Variants in SFI1 observed in about 807,000 individuals in gnomAD.
SFI1 encodes protein SFI1 homolog.
SFI1 carries 195 observed loss-of-function variants against 207.5 expected under a neutral mutation model. The observed-to-expected ratio is 0.94, with a 90% CI of 0.84 to 1.06. SFI1 has a LOEUF of 1.06. Among genes scored for constraint, SFI1 ranks in the 50% least tolerant of loss-of-function variants. SFI1 has a pLI of 0.00. For synonymous variants in SFI1, 630 were observed against 598.9 expected (o/e 1.05, Z -0.76); for missense variants, 1,634 against 1,588.0 (o/e 1.03, Z -0.49).
chr22:31,616,528 T>A (rs2071495677), intron 29 of SFI1: 1 of 462,210 alleles, frequency 2.2e-6, no homozygotes. Context: ...GCTCCCTGGT[T>A]GCTTGCGGGA....
intron 14 of SFI1, among the ~76,000 whole-genome samples, chr22:31,588,852 T>C (rs2146377276): frequency 6.6e-6 from 1 of 150,568 alleles, no homozygotes; most frequent in Non-Finnish European, 1.5e-5. Flanking sequence ...AACAAAAACA[T>C]AAAACCTCTA....
chr22:31,547,696 T>G lies in SFI1; in HGVS notation c.449+725T>G, dbSNP rs929794039. On this transcript the variant is annotated intron_variant, in intron 5 of 32. Coordinates refer to ENST00000400288, the MANE Select transcript of SFI1 (RefSeq NM_001007467.3). ...GTGCAATGGCGCCATCTTGACTCAC[T>G]GCAACCTCCGCCGCCTGGGTTCAAG... 1.1e-4 allele frequency among the ~76,000 whole-genome samples: 16 copies of G among 151,112 alleles called. No homozygotes were observed. The East Asian group carries it at 3.2e-3, about 30-fold the overall frequency.
intron 9 of SFI1, 144 bp from the exon 10 acceptor site, chr22:31,575,085 CGT>C (rs71679890): frequency 0.3 from 84,644 of 279,416 alleles, 11,737 homozygotes; most frequent in African/African-American, 0.37. Context: ...AAACTTAGTG[CGT>C]GTGTGTGTGT....
rs1485719406 is a variant in SFI1 at position 31,612,393 on chromosome 22, AAAAAAAT to A, written c.2490+555_2490+561del. ...AGACTCTGTCTAAAAAAAAAAAAAAAAAAAAATATATATATATATATATATATATATA... is the reference window on the plus strand; with the variant it reads ...AGACTCTGTCTAAAAAAAAAAAAAAAATATATATATATATATATATATATA... On this transcript the variant is annotated intron_variant, in intron 24 of 32. Transcript: ENST00000400288. 178 of 116,108 alleles carry A rather than the reference AAAAAAAT, an allele frequency of 1.5e-3. 1 individual carries two copies. The highest frequency in any genetic ancestry group is 2.3e-3 in the Non-Finnish European group (131 of 57,568). The allele number at this position is 116,108 out of a possible 1,614,324, so 7.2% of individuals were successfully genotyped here. A position where few individuals can be genotyped will look rare whatever the true frequency, so the allele number is the denominator to read the frequency against.
intron 2 of SFI1, among the ~76,000 whole-genome samples, chr22:31,510,207 A>G (rs936327519): frequency 5.3e-5 from 8 of 151,660 alleles, no homozygotes; most frequent in African/African-American, 9.7e-5. Context: ...AAAATTATTT[A>G]TTTTAGAGAC....
intron 5 of SFI1, among the ~76,000 whole-genome samples, chr22:31,547,885 C>T (rs542192393): frequency 1.1e-3 from 169 of 149,236 alleles, no homozygotes; most frequent in Non-Finnish European, 1.9e-3. Context: ...GCTGGGATTA[C>T]AGGCATGAAC....
At position 31,611,782 on chromosome 22, in the gene SFI1, G is replaced by A. The variant is rs773090106; in HGVS notation, c.2432G>A (p.Ser811Asn). Reference sequence around the variant, plus strand: ...CTCCCCCAGCTCCTGCACAGGCAGAGCACCCAACTGCTGGCACAGAGACTC... The same window carrying A: ...CTCCCCCAGCTCCTGCACAGGCAGAACACCCAACTGCTGGCACAGAGACTC... Reference protein sequence around the residue: ...CVRKRLLHRQSTQLLAQRLSR... With the variant: ...CVRKRLLHRQNTQLLAQRLSR... Residue 811 changes from serine (S) to asparagine (N), a missense_variant, in exon 24 of 33, where the codon AGC (serine) becomes AAC (asparagine). Transcript: ENST00000400288. The A allele has an allele frequency of 5.0e-6, 8 of 1,613,542 alleles. No individual in the cohort carries two copies. The East Asian group carries it at 1.8e-4, about 36-fold the overall frequency.
chr22:31,578,382 A>T lies in SFI1; in HGVS notation c.1085A>T (p.Tyr362Phe). 6.2e-7 allele frequency: 1 copy of T among 1,612,884 alleles called. No individual in the cohort carries two copies. Among genetic ancestry groups the T allele is most frequent in the African/African-American group, 1.3e-5 (1 of 75,066 alleles). ...LRRAFTHWKH[Y>F]MLLCAEEAAQ... ...ACTGGAGGCCTTCACTTCCTGGCAG[A>T]CATGCTGCTGTGTGCAGAAGAAGCT... is the stretch of plus-strand genomic sequence containing the variant. The change falls in exon 11 of 33, where the codon TAC (tyrosine) becomes TTC (phenylalanine). Residue 362 changes from tyrosine (Y) to phenylalanine (F), a missense_variant and splice_region_variant. By Grantham distance (22) the Tyr-to-Phe change is conservative. Transcript: ENST00000400288.
At chr22:31,572,997 C>T in intron 8 of SFI1, 61 bp from the exon 9 acceptor site, 1 of 1,562,018 alleles carries the variant, frequency 6.4e-7, no homozygotes, top group East Asian at 2.2e-5. Flanking sequence ...TCCCTCTCCA[C>T]CTGTACTTCA....
At chr22:31,545,370 A>G (rs1488191085) in intron 4 of SFI1, among the ~76,000 whole-genome samples, 2 of 151,752 alleles carry the variant, frequency 1.3e-5, no homozygotes, top group Admixed American at 1.3e-4. Flanking sequence ...CGTCTCAAAA[A>G]AAAAAGAAAA....
At chr22:31,552,584 G>C (rs1228430483) in intron 6 of SFI1, among the ~76,000 whole-genome samples, 1 of 152,128 alleles carries the variant, frequency 6.6e-6, no homozygotes, top group Non-Finnish European at 1.5e-5. Flanking sequence ...GTTGATGGAT[G>C]CTGAGGTTGA....
intron 1 of SFI1, among the ~76,000 whole-genome samples, chr22:31,505,482 G>A (rs2054492189): frequency 6.6e-6 from 1 of 151,786 alleles, no homozygotes; most frequent in African/African-American, 2.4e-5. Context: ...TAGGCAAGGT[G>A]CAGTGGTGCC....
intron 15 of SFI1, among the ~76,000 whole-genome samples, chr22:31,599,369 G>A (rs1205019400): frequency 1.3e-5 from 2 of 151,362 alleles, no homozygotes; most frequent in Non-Finnish European, 2.9e-5. Context: ...TTGCCAGGCT[G>A]GAGTGCAGTG....
chr22:31,602,691 G>A lies in SFI1; in HGVS notation c.1711G>A (p.Glu571Lys), dbSNP rs949997910. 1 of 1,614,186 alleles carries A rather than the reference G, an allele frequency of 6.2e-7. No homozygotes were observed. Among genetic ancestry groups the A allele is most frequent in the Non-Finnish European group, 8.5e-7 (1 of 1,180,040 alleles). Residue 571 changes from glutamate to lysine, a missense_variant, in exon 17 of 33, where the codon GAG (glutamate) becomes AAG (lysine). Transcript: ENST00000400288. ...GGCAGCAGCACGTCACCAGGAGCAG[G>A]AGTGGCAAACAGTGGCCTGTGCCCA... ...QQAAARHQEQ[E>K]WQTVACAHHR...
At chr22:31,573,771 C>T (rs192756210) in intron 9 of SFI1, among the ~76,000 whole-genome samples, 1,784 of 152,232 alleles carry the variant, frequency 0.012, 10 homozygotes, top group Middle Eastern at 0.031. Flanking sequence ...ATAGGGTTTT[C>T]ATTTTGCTAT....
chr22:31,519,970 T>C lies in SFI1; in HGVS notation c.93-8720T>C, dbSNP rs553509036. Among the ~76,000 whole-genome samples the C allele has an allele frequency of 2.0e-5, 3 of 151,948 alleles. No homozygotes were observed. The South Asian group carries it at 6.2e-4, about 32-fold the overall frequency. On this transcript the variant is annotated intron_variant, in intron 2 of 32. Transcript: ENST00000400288. The stretch of plus-strand genomic sequence containing the variant: ...TTGGTAGAGATGGGGTTTCACCTGT[T>C]GCCCAGGGTGGTCTTGAACTCCTGG...
At chr22:31,608,621 G>A (rs549255176) in intron 22 of SFI1, among the ~76,000 whole-genome samples, 5 of 149,766 alleles carry the variant, frequency 3.3e-5, no homozygotes, top group Middle Eastern at 3.5e-3. Flanking sequence ...AAAATGGAAG[G>A]CTAGAGCTTG....
intron 14 of SFI1, among the ~76,000 whole-genome samples, chr22:31,586,085 T>C (rs2064997313): frequency 6.6e-6 from 1 of 152,112 alleles, no homozygotes; most frequent in African/African-American, 2.4e-5. Context: ...TCTGTTTCTC[T>C]CCCCTTTCCT....
In SFI1 at chr22:31,616,740, T is replaced by C. The variant is rs760654943; in HGVS notation, c.3301-5T>C. ...GCTCAGCATCTACCCTTCTTTCCTT[T>C]GCAGGTGTCAGCACAGCGGGCTACT... On this transcript the variant is annotated splice_region_variant and splice_polypyrimidine_tract_variant and intron_variant, in intron 29 of 32. Coordinates refer to ENST00000400288, the MANE Select transcript of SFI1 (RefSeq NM_001007467.3). 6 of 1,536,166 alleles carry C rather than the reference T, an allele frequency of 3.9e-6. No individual in the cohort carries two copies. The highest frequency in any genetic ancestry group is 5.2e-6 in the Non-Finnish European group (6 of 1,145,386).
Sources: allele counts gnomAD v4.1 joint callset (sites outside exome capture counted in the v4.1 genomes callset), GRCh38; gene constraint gnomAD v4.1.1; transcripts MANE v1.5; gene names NCBI Gene and HGNC (gene_info 2026-07-23, HGNC 2026-07-21).